AGAP1: variants seen among roughly 807,000 people sequenced by gnomAD.
AGAP1 encodes arf-GAP with GTPase, ANK repeat and PH domain-containing protein 1.
In AGAP1, 29 loss-of-function variants were observed where a neutral mutation model predicts 105.3. That is an observed-to-expected ratio of 0.28 (90% CI 0.21 to 0.38). The LOEUF (loss-of-function observed/expected upper bound fraction) is 0.38. Among genes scored for constraint, AGAP1 ranks in the 10% least tolerant of loss-of-function variants. The pLI, the probability that AGAP1 is intolerant of heterozygous loss-of-function variation, is 1.00. For missense variants in AGAP1, 998 were observed against 1,165.1 expected (o/e 0.86, Z 2.09); for synonymous variants, 509 against 485.9 (o/e 1.05, Z -0.63).
rs1942418287 is a variant in AGAP1, at chr2:235,517,034, C to T, written c.163+22185C>T. Among the ~76,000 whole-genome samples, 1 of 152,198 alleles carries T rather than the reference C, an allele frequency of 6.6e-6. No homozygotes were observed. Among genetic ancestry groups the T allele is most frequent in the African/African-American group, 2.4e-5 (1 of 41,454 alleles). ...TGGCGCCTACGTTAGTCAGCTCGGG[C>T]TGCCACGACAAAATACCACAGACTG... is the stretch of plus-strand genomic sequence containing the variant. On this transcript the variant is annotated intron_variant, in intron 1 of 17. Transcript: ENST00000304032. This position sits in a 1 kb window ranked among gnomAD's most constrained non-coding sequence, Gnocchi z 4.1.
At chr2:235,594,284 C>T (rs1358455736) in intron 1 of AGAP1, among the ~76,000 whole-genome samples, 1 of 134,710 alleles carries the variant, frequency 7.4e-6, no homozygotes, top group African/African-American at 2.6e-5. Context: ...AATAGGCATT[C>T]TGGGGTTTTT....
chr2:236,077,136 A>ATATATATAT (rs1309896544), intron 16 of AGAP1, among the ~76,000 whole-genome samples: 25 of 144,370 alleles, frequency 1.7e-4, no homozygotes, highest in African/African-American at 6.5e-4. Flanking sequence ...GAAAAAAAAA[A>ATATATATAT]AAAAAAATAT....
chr2:236,103,323 A>G (rs1030359812), intron 16 of AGAP1, among the ~76,000 whole-genome samples: 1 of 152,092 alleles, frequency 6.6e-6, no homozygotes, highest in Non-Finnish European at 1.5e-5. Context: ...CATTGGTCAC[A>G]AGCCCTGAGC....
intron 9 of AGAP1, among the ~76,000 whole-genome samples, chr2:235,816,243 C>A (rs921638677): frequency 6.6e-6 from 1 of 151,452 alleles, no homozygotes; most frequent in Non-Finnish European, 1.5e-5. Context: ...CGAGACCATC[C>A]TGACTAACAT....
Position 235,701,259 on chromosome 2 carries a change from T to C in AGAP1, c.164-7920T>C, listed in dbSNP as rs370353166. 3.3e-5 allele frequency among the ~76,000 whole-genome samples: 5 copies of C among 152,188 alleles called. No individual in the cohort carries two copies. In the East Asian group the frequency reaches 9.6e-4, roughly 29 times the overall value. Reference sequence around the variant, plus strand: ...GAGCCCATTTGGGCCGGCAAACTTTTGCCTTGGGATTTCCTTAGAGGAGAA... The same window carrying C: ...GAGCCCATTTGGGCCGGCAAACTTTCGCCTTGGGATTTCCTTAGAGGAGAA... On this transcript the variant is annotated intron_variant, in intron 1 of 17. Transcript: ENST00000304032. This position sits in a 1 kb window ranked among gnomAD's most constrained non-coding sequence, Gnocchi z 4.1.
chr2:235,779,999 A>G (rs1028772613), intron 6 of AGAP1, among the ~76,000 whole-genome samples: 57 of 152,284 alleles, frequency 3.7e-4, no homozygotes, highest in African/African-American at 1.2e-3. Context: ...GGACTGCACA[A>G]TCTCCTTAGA....
rs1461163013 is a variant in AGAP1, at chr2:235,621,954, C to A, written c.164-87225C>A. ...ACTGTGTGGATGTTTCTGACGGCCT[C>A]TTACAGACTCTGTCCTTTTTGTTGT... On this transcript the variant is annotated intron_variant, in intron 1 of 17. Transcript: ENST00000304032. The surrounding 1 kb of genome is among the most constrained non-coding windows in gnomAD (Gnocchi z 4.1). Among the ~76,000 whole-genome samples, 1 of 152,108 alleles carries A rather than the reference C, an allele frequency of 6.6e-6. No individual in the cohort carries two copies. Among genetic ancestry groups the A allele is most frequent in the African/African-American group, 2.4e-5 (1 of 41,424 alleles).
At position 236,120,462 on chromosome 2, in the gene AGAP1, C is replaced by T. The variant is rs777530466; in HGVS notation, c.2370+15C>T. 2.2e-5 allele frequency: 35 copies of T among 1,610,808 alleles called. No homozygotes were observed. The highest frequency in any genetic ancestry group is 8.0e-5 in the African/African-American group (6 of 74,884). On this transcript the variant is annotated intron_variant, in intron 17 of 17. Transcript: ENST00000304032. The surrounding 1 kb of genome is among the most constrained non-coding windows in gnomAD (Gnocchi z 6.0). ...TCCTGATCTGGGTAGGTGGTCGGCA[C>T]GCCTGGCAGAGGACGGGGCCACAGG...
At chr2:235,709,528 T>TGTG (rs1950725670) in intron 2 of AGAP1, among the ~76,000 whole-genome samples, 2 of 151,776 alleles carry the variant, frequency 1.3e-5, no homozygotes, top group Non-Finnish European at 2.9e-5. Context: ...TGGGTGTGTG[T>TGTG]GTGTCCACAC....
intron 1 of AGAP1, among the ~76,000 whole-genome samples, chr2:235,529,280 C>A (rs1255306594): frequency 6.6e-6 from 1 of 152,256 alleles, no homozygotes; most frequent in African/African-American, 2.4e-5. Context: ...CTACTTTGTG[C>A]TGATGGTTGT....
chr2:235,718,042 G>A (rs1279769402), intron 3 of AGAP1, among the ~76,000 whole-genome samples: 1 of 152,062 alleles, frequency 6.6e-6, no homozygotes, highest in Admixed American at 6.6e-5. Context: ...AGAGCCTTCC[G>A]GGATAAGACG....
rs1042259597 is a variant in AGAP1 at position 235,855,222 on chromosome 2, C to T, written c.1051-28123C>T. 6.6e-6 allele frequency among the ~76,000 whole-genome samples: 1 copy of T among 152,244 alleles called. No homozygotes were observed. The highest frequency in any genetic ancestry group is 3.4e-3 in the Middle Eastern group (1 of 294). ...CATGTGCTGCCATCCCTTGGGGTGG[C>T]GCACGGAAATGGAAGCGTGAGGTCA... On this transcript the variant is annotated intron_variant, in intron 9 of 17. Coordinates refer to ENST00000304032, the MANE Select transcript of AGAP1 (RefSeq NM_001037131.3). This position sits in a 1 kb window ranked among gnomAD's most constrained non-coding sequence, Gnocchi z 5.0.
rs181345034 is a variant in AGAP1, at chr2:235,753,619, T to C, written c.673+3131T>C. On this transcript the variant is annotated intron_variant, in intron 6 of 17. Transcript: ENST00000304032. The surrounding 1 kb of genome is among the most constrained non-coding windows in gnomAD (Gnocchi z 4.5). ...TACTCAGGAAGCCAAGGCAGGAGAA[T>C]CGCTTGAACCTGGGAGGCGGAGGTT... Among the ~76,000 whole-genome samples, 906 of 151,960 alleles carry C rather than the reference T, an allele frequency of 6.0e-3. 15 individuals are homozygous for C. Among genetic ancestry groups the C allele is most frequent in the African/African-American group, 0.021 (863 of 41,398 alleles).
chr2:235,868,620 G>A (rs1365385014), intron 9 of AGAP1, among the ~76,000 whole-genome samples: 1 of 152,136 alleles, frequency 6.6e-6, no homozygotes, highest in African/African-American at 2.4e-5. Flanking sequence ...TGATTTGCCT[G>A]GTTAAGACCC....
intron 16 of AGAP1, among the ~76,000 whole-genome samples, chr2:236,097,504 T>A (rs1056959207): frequency 3.5e-5 from 5 of 142,728 alleles, no homozygotes; most frequent in Non-Finnish European, 7.6e-5. Context: ...GTGATTCCCC[T>A]ACCTCAGCCT....
At chr2:235,503,984 C>T (rs551283690) in intron 1 of AGAP1, among the ~76,000 whole-genome samples, 239 of 152,274 alleles carry the variant, frequency 1.6e-3, no homozygotes, top group Non-Finnish European at 2.7e-3. Flanking sequence ...TTTCCTGAAG[C>T]GATCCTCCTG....
intron 16 of AGAP1, among the ~76,000 whole-genome samples, chr2:236,063,312 A>G (rs923307062): frequency 2.0e-5 from 3 of 151,714 alleles, no homozygotes; most frequent in African/African-American, 7.3e-5. Flanking sequence ...CTGGTCTTGA[A>G]CTTCTGACCC....
chr2:235,642,921 C>T lies in AGAP1; in HGVS notation c.164-66258C>T, dbSNP rs1454494000. Among the ~76,000 whole-genome samples the T allele has an allele frequency of 6.6e-6, 1 of 152,162 alleles. No individual in the cohort carries two copies. Among genetic ancestry groups the T allele is most frequent in the East Asian group, 1.9e-4 (1 of 5,188 alleles). Reference sequence around the variant, plus strand: ...GGGCCGCCTGTCTGTAATGTGCTGCCATGACAAGGCACGGTGGTGGTGGGG... The same window carrying T: ...GGGCCGCCTGTCTGTAATGTGCTGCTATGACAAGGCACGGTGGTGGTGGGG... On this transcript the variant is annotated intron_variant, in intron 1 of 17. Coordinates refer to ENST00000304032, the MANE Select transcript of AGAP1 (RefSeq NM_001037131.3). This position sits in a 1 kb window ranked among gnomAD's most constrained non-coding sequence, Gnocchi z 4.1.
At chr2:235,748,953 A>G (rs1434438092) in intron 5 of AGAP1, among the ~76,000 whole-genome samples, 2 of 152,250 alleles carry the variant, frequency 1.3e-5, no homozygotes, top group African/African-American at 2.4e-5. Flanking sequence ...TCACGCCTGT[A>G]ATCCCAACAC....
Sources: allele counts gnomAD v4.1 joint callset (sites outside exome capture counted in the v4.1 genomes callset), GRCh38; gene constraint gnomAD v4.1.1; non-coding constraint Gnocchi (gnomAD v3.1); transcripts MANE v1.5; gene names NCBI Gene and HGNC (gene_info 2026-07-23, HGNC 2026-07-21).